The following CNTNAP2 variants were observed in gnomAD, a reference collection of about 807,000 sequenced individuals.
The protein encoded by CNTNAP2 is contactin associated protein 2.
In CNTNAP2, 98 loss-of-function variants were observed where a neutral mutation model predicts 155.2. The ratio of observed to expected loss-of-function variants is 0.63; its 90% CI spans 0.54 to 0.75. The LOEUF is 0.75. Ranked by LOEUF, CNTNAP2 falls within the 30% of genes least tolerant of loss-of-function variation. The pLI, the probability that CNTNAP2 is intolerant of heterozygous loss-of-function variation, is 0.00. For synonymous variants in CNTNAP2, 651 were observed against 631.2 expected (o/e 1.03, Z -0.47); for missense variants, 1,727 against 1,688.1 (o/e 1.02, Z -0.40).
chr7:146,427,839 A>G (rs911415385), intron 1 of CNTNAP2, among the ~76,000 whole-genome samples: 2 of 152,168 alleles, frequency 1.3e-5, no homozygotes, highest in African/African-American at 4.8e-5. Flanking sequence ...AGATCATTCC[A>G]TCACCAAGTA....
At position 147,382,581 on chromosome 7, in the gene CNTNAP2, C is replaced by T. The variant is rs146681926; in HGVS notation, c.1499-13028C>T. Among the ~76,000 whole-genome samples, 5 of 152,186 alleles carry T rather than the reference C, an allele frequency of 3.3e-5. No individual in the cohort carries two copies. In the South Asian group the frequency reaches 1.0e-3, roughly 32 times the overall value. ...GCAATATTAAAATGGAGGAGTCAAA[C>T]TAAACTTTGGATATATTAGTGTTGA... On this transcript the variant is annotated intron_variant, in intron 9 of 23. Transcript: ENST00000361727.
At chr7:146,319,734 A>G (rs1293804597) in intron 1 of CNTNAP2, among the ~76,000 whole-genome samples, 1 of 152,134 alleles carries the variant, frequency 6.6e-6, no homozygotes, top group Non-Finnish European at 1.5e-5. Flanking sequence ...GATTGTGTTT[A>G]TTTTAGTGTG....
At chr7:146,668,594 T>C (rs1800242222) in intron 1 of CNTNAP2, among the ~76,000 whole-genome samples, 1 of 152,130 alleles carries the variant, frequency 6.6e-6, no homozygotes, top group Non-Finnish European at 1.5e-5. Flanking sequence ...CCTTCATAGA[T>C]TGAATAGAAT....
rs1326214496 is a variant in CNTNAP2, at chr7:146,268,018, A to AGT, written c.97+151047_97+151048dup. ...GAGAAATTAGAATTTATAAATGTGT[A>AGT]GTGGTCATACATGGACTTCATAATA... is the stretch of plus-strand genomic sequence containing the variant. On this transcript the variant is annotated intron_variant, in intron 1 of 23. Coordinates refer to ENST00000361727, the MANE Select transcript of CNTNAP2 (RefSeq NM_014141.6). Among the ~76,000 whole-genome samples, 4 of 152,300 alleles carry AGT rather than the reference A, an allele frequency of 2.6e-5. No individual in the cohort carries two copies. In the East Asian group the frequency reaches 7.8e-4, roughly 30 times the overall value.
intron 1 of CNTNAP2, among the ~76,000 whole-genome samples, chr7:146,330,451 G>A (rs1000434103): frequency 6.6e-6 from 1 of 152,156 alleles, no homozygotes; most frequent in African/African-American, 2.4e-5. Flanking sequence ...TTCTCACAGA[G>A]CACACAATCA....
At chr7:147,372,710 C>A (rs1029415323) in intron 9 of CNTNAP2, among the ~76,000 whole-genome samples, 2 of 152,170 alleles carry the variant, frequency 1.3e-5, no homozygotes, top group African/African-American at 4.8e-5. Flanking sequence ...GGGAAGGAAG[C>A]TTTAGCCAGA....
intron 8 of CNTNAP2, among the ~76,000 whole-genome samples, chr7:147,299,823 T>C (rs1238540040): frequency 6.6e-6 from 1 of 152,210 alleles, no homozygotes; most frequent in African/African-American, 2.4e-5. Flanking sequence ...GGCTCACGCC[T>C]GTAATCCCAG....
intron 1 of CNTNAP2, among the ~76,000 whole-genome samples, chr7:146,713,551 C>T (rs756824487): frequency 6.6e-6 from 1 of 152,170 alleles, no homozygotes; most frequent in Non-Finnish European, 1.5e-5. Flanking sequence ...ACCACCTCAC[C>T]TGCAATCTAT....
At chr7:146,840,601 A>G (rs11983426) in intron 3 of CNTNAP2, among the ~76,000 whole-genome samples, 21,160 of 151,932 alleles carry the variant, frequency 0.14, 4,571 homozygotes, top group African/African-American at 0.46. Context: ...AGAAGAAGAA[A>G]AAGAAGATGA....
chr7:146,541,240 T>G (rs1797948597), intron 1 of CNTNAP2, among the ~76,000 whole-genome samples: 1 of 151,986 alleles, frequency 6.6e-6, no homozygotes. Flanking sequence ...AGAGAAGTAT[T>G]CTAAAATCAC....
intron 14 of CNTNAP2, among the ~76,000 whole-genome samples, chr7:147,941,201 G>A (rs1307256683): frequency 6.6e-6 from 1 of 152,298 alleles, no homozygotes; most frequent in African/African-American, 2.4e-5. Context: ...GAAGACATTA[G>A]GATGAGGCAT....
intron 11 of CNTNAP2, among the ~76,000 whole-genome samples, chr7:147,527,266 G>A (rs1313959795): frequency 2.0e-5 from 3 of 151,816 alleles, no homozygotes; most frequent in African/African-American, 4.8e-5. Flanking sequence ...CTTGTGATCC[G>A]CCCACCTCGG....
chr7:146,362,447 A>G lies in CNTNAP2; in HGVS notation c.97+245474A>G, dbSNP rs542345887. Among the ~76,000 whole-genome samples the G allele has an allele frequency of 1.6e-4, 24 of 152,266 alleles. No homozygotes were observed. In the South Asian group the frequency reaches 4.8e-3, roughly 30 times the overall value. The stretch of plus-strand genomic sequence containing the variant: ...TTGAGCACCTCATTCATAAGAAGAC[A>G]CGCTTCATCCCGAAGAGTGTGAAGG... On this transcript the variant is annotated intron_variant, in intron 1 of 23. Transcript: ENST00000361727.
At chr7:148,094,429 A>G (rs1233530145) in intron 15 of CNTNAP2, among the ~76,000 whole-genome samples, 1 of 152,200 alleles carries the variant, frequency 6.6e-6, no homozygotes, top group African/African-American at 2.4e-5. Context: ...GTCCTTGCAG[A>G]TGGGGGGCAA....
At chr7:146,407,566 A>G (rs1187305934) in intron 1 of CNTNAP2, among the ~76,000 whole-genome samples, 3 of 152,218 alleles carry the variant, frequency 2.0e-5, no homozygotes, top group Non-Finnish European at 4.4e-5. Context: ...AGAGAACTGT[A>G]GAGAAAACCA....
chr7:147,676,017 T>C (rs1240180265), intron 13 of CNTNAP2, among the ~76,000 whole-genome samples: 4 of 152,124 alleles, frequency 2.6e-5, no homozygotes, highest in Non-Finnish European at 5.9e-5. Context: ...ATTAGCTCCC[T>C]GCTTTGCCAA....
intron 1 of CNTNAP2, among the ~76,000 whole-genome samples, chr7:146,502,224 A>AATATATATATATATAT (rs59759183): frequency 3.2e-5 from 3 of 94,804 alleles, no homozygotes; most frequent in East Asian, 3.0e-4. Context: ...TATATATATG[A>AATATATATATATATAT]ATATATATAT....
intron 1 of CNTNAP2, among the ~76,000 whole-genome samples, chr7:146,615,237 A>T (rs749289932): frequency 6.6e-6 from 1 of 152,184 alleles, no homozygotes; most frequent in Non-Finnish European, 1.5e-5. Flanking sequence ...ACAATCATTA[A>T]ACTAAAAAGC....
chr7:146,717,162 T>A (rs898992836), intron 1 of CNTNAP2, among the ~76,000 whole-genome samples: 1 of 152,066 alleles, frequency 6.6e-6, no homozygotes, highest in African/African-American at 2.4e-5. Context: ...TAGTCCACTT[T>A]AAATTGCCAT....
Sources: allele counts gnomAD v4.1 joint callset (sites outside exome capture counted in the v4.1 genomes callset), GRCh38; gene constraint gnomAD v4.1.1; transcripts MANE v1.5; gene names NCBI Gene and HGNC (gene_info 2026-07-23, HGNC 2026-07-21).